ABCC12: variants seen among roughly 807,000 people sequenced by gnomAD.
The protein encoded by ABCC12 is ATP-binding cassette sub-family C member 12.
A neutral mutation model predicts 151.1 loss-of-function variants in ABCC12; 142 were observed. The observed-to-expected ratio is 0.94, with a 90% CI of 0.82 to 1.08. ABCC12 has a LOEUF of 1.08. Ranked by LOEUF, ABCC12 falls within the 50% of genes least tolerant of loss-of-function variation. ABCC12 has a pLI of 0.00. For missense variants in ABCC12, 1,638 were observed against 1,691.1 expected, an observed-to-expected ratio of 0.97 and a Z score of 0.55; for synonymous variants, 645 against 646.4, an observed-to-expected ratio of 1.00 and a Z score of 0.03.
chr16:48,152,478 G>T (rs577589768), intron 2 of ABCC12, among the ~76,000 whole-genome samples: 29 of 152,338 alleles, frequency 1.9e-4, no homozygotes, highest in South Asian at 1.9e-3. Context: ...CGACCTCCCA[G>T]TGGCCGCTGG....
At chr16:48,128,834 T>C in intron 10 of ABCC12, 97 bp from the exon 11 acceptor site, 1 of 1,384,800 alleles carries the variant, frequency 7.2e-7, no homozygotes, top group Non-Finnish European at 9.8e-7. Flanking sequence ...CAATTTTGGC[T>C]ATTCTAACCC....
At chr16:48,115,771 G>A (rs905359364) in intron 14 of ABCC12, among the ~76,000 whole-genome samples, 153 bp from the exon 15 acceptor site, 1 of 152,178 alleles carries the variant, frequency 6.6e-6, no homozygotes, top group Non-Finnish European at 1.5e-5. Flanking sequence ...AGGGCCCCCG[G>A]TCACACGAGA....
intron 18 of ABCC12, among the ~76,000 whole-genome samples, chr16:48,109,299 CTCAATG>C (rs1236860842): frequency 1.3e-5 from 2 of 152,174 alleles, no homozygotes; most frequent in African/African-American, 4.8e-5. Context: ...ACCTGATTCC[CTCAATG>C]TCTGTCCCAG....
chr16:48,126,017 C>G (rs567429499), intron 11 of ABCC12, among the ~76,000 whole-genome samples: 28 of 152,204 alleles, frequency 1.8e-4, no homozygotes, highest in Admixed American at 3.9e-4. Context: ...TGACTTCCCC[C>G]ATGCTGCATT....
chr16:48,141,897 G>A (rs566458333), intron 4 of ABCC12, among the ~76,000 whole-genome samples: 15 of 152,280 alleles, frequency 9.9e-5, no homozygotes, highest in African/African-American at 2.9e-4. Context: ...TTTTTAAGCC[G>A]ATGTGACAAG....
At chr16:48,131,738 CTGAG>C in intron 9 of ABCC12, among the ~76,000 whole-genome samples, 1 of 152,218 alleles carries the variant, frequency 6.6e-6, no homozygotes, top group Non-Finnish European at 1.5e-5. Context: ...TCATCAAATC[CTGAG>C]TGATCCTGCC....
At chr16:48,152,631 C>T (rs1297452088) in intron 2 of ABCC12, among the ~76,000 whole-genome samples, 2 of 152,200 alleles carry the variant, frequency 1.3e-5, no homozygotes, top group Admixed American at 1.3e-4. Flanking sequence ...ACATGGCAAA[C>T]CAGCCTCTCA....
At chr16:48,093,396 C>T (rs1270320648) in intron 24 of ABCC12, among the ~76,000 whole-genome samples, 1 of 152,214 alleles carries the variant, frequency 6.6e-6, no homozygotes, top group African/African-American at 2.4e-5. Context: ...TTCTTCCAGT[C>T]TTCCTTGGCT....
chr16:48,124,921 G>A (rs1964190206), intron 11 of ABCC12, among the ~76,000 whole-genome samples: 1 of 152,200 alleles, frequency 6.6e-6, no homozygotes, highest in Admixed American at 6.5e-5. Context: ...TGGACAGGAA[G>A]CAAGACAAGC....
chr16:48,087,033 A>AC (rs1962642846), intron 27 of ABCC12: 2 of 500,438 alleles, frequency 4.0e-6, no homozygotes, highest in South Asian at 5.2e-5. Flanking sequence ...TGGAGCAGAG[A>AC]CCACTGAGGC....
At chr16:48,099,038 G>A (rs1015616324) in intron 23 of ABCC12, among the ~76,000 whole-genome samples, 6 of 152,208 alleles carry the variant, frequency 3.9e-5, no homozygotes, top group Non-Finnish European at 4.4e-5. Flanking sequence ...CTGAACTAAA[G>A]ACAAGGTGTG....
At chr16:48,139,844 T>C (rs992595085) in intron 6 of ABCC12, among the ~76,000 whole-genome samples, 8 of 152,206 alleles carry the variant, frequency 5.3e-5, no homozygotes, top group Non-Finnish European at 1.2e-4. Context: ...CTTCTGTTCC[T>C]CTTTCTCCTA....
intron 15 of ABCC12, among the ~76,000 whole-genome samples, chr16:48,114,398 T>C (rs1470043809): frequency 1.3e-5 from 2 of 152,144 alleles, no homozygotes; most frequent in East Asian, 3.9e-4. Flanking sequence ...CAACTTTATT[T>C]GCTGCTATTG....
chr16:48,116,198 G>C (rs963723296), intron 14 of ABCC12, among the ~76,000 whole-genome samples: 4 of 152,188 alleles, frequency 2.6e-5, no homozygotes, highest in African/African-American at 9.7e-5. Context: ...AAGGATGATT[G>C]CTTGCTGTAG....
intron 24 of ABCC12, among the ~76,000 whole-genome samples, chr16:48,092,211 C>A (rs1386485185): frequency 6.6e-6 from 1 of 152,240 alleles, no homozygotes. Flanking sequence ...TGTAATTTGT[C>A]ACAGCAGCCT....
At chr16:48,107,544 G>A (rs759263588) in intron 19 of ABCC12, 119 bp from the exon 20 acceptor site, 25 of 790,334 alleles carry the variant, frequency 3.2e-5, no homozygotes, top group East Asian at 7.8e-5. Flanking sequence ...GGACTCCCAC[G>A]CCTGGAAACC....
chr16:48,108,673 T>A, intron 18 of ABCC12, 144 bp from the exon 19 acceptor site: 1 of 632,244 alleles, frequency 1.6e-6, no homozygotes, highest in South Asian at 2.0e-5. Flanking sequence ...TCAAATGCAC[T>A]TCCAACACAC....
chr16:48,112,542 C>A (rs1372884651), intron 15 of ABCC12, among the ~76,000 whole-genome samples: 16 of 152,070 alleles, frequency 1.1e-4, no homozygotes, highest in African/African-American at 3.6e-4. Context: ...TTGCAGTGAG[C>A]CAAGAAGGTG....
At chr16:48,137,593 C>T (rs1024032968) in intron 8 of ABCC12, among the ~76,000 whole-genome samples, 1 of 152,148 alleles carries the variant, frequency 6.6e-6, no homozygotes, top group Non-Finnish European at 1.5e-5. Context: ...CAATTCCATG[C>T]TGGTGCAAAA....
Sources: allele counts gnomAD v4.1 joint callset (sites outside exome capture counted in the v4.1 genomes callset), GRCh38; gene constraint gnomAD v4.1.1; transcripts MANE v1.5; gene names NCBI Gene and HGNC (gene_info 2026-07-23, HGNC 2026-07-21).